XKR9: variants seen among roughly 807,000 people sequenced by gnomAD.
XKR9 encodes the protein XK related 9.
A neutral mutation model predicts 32.0 loss-of-function variants in XKR9; 32 were observed. The observed-to-expected ratio is 1.00, with a 90% CI of 0.76 to 1.34. The LOEUF is 1.34. Among genes scored for constraint, XKR9 ranks in the 40% most tolerant of loss-of-function variants. The probability of loss-of-function intolerance (pLI) is 0.00; values close to 1 mark genes in which losing one functional copy is unlikely to be tolerated. For synonymous variants in XKR9, 168 were observed against 143.4 expected, an observed-to-expected ratio of 1.17 and a Z score of -1.22; for missense variants, 546 against 429.7, an observed-to-expected ratio of 1.27 and a Z score of -2.39.
In XKR9 at chr8:70,734,708, A is replaced by T; in HGVS notation, c.*284A>T. ...TTTCATAATGAGAAGGCTGGAATTG[A>T]GCTTCCCTCCCATTTTCCTTGTTCC... On this transcript the variant is annotated 3_prime_UTR_variant, in exon 5 of 5. Transcript: ENST00000408926. 8.9e-6 allele frequency: 2 copies of T among 223,662 alleles called. No homozygotes were observed. Among genetic ancestry groups the T allele is most frequent in the South Asian group, 1.8e-4 (2 of 11,234 alleles). The allele number at this position is 223,662 out of a possible 1,614,324, so 13.9% of individuals were successfully genotyped here.
At chr8:70,684,560 A>G (rs985687606) in intron 3 of XKR9, among the ~76,000 whole-genome samples, 8 of 125,684 alleles carry the variant, frequency 6.4e-5, no homozygotes, top group Non-Finnish European at 9.7e-5. Context: ...ATTAAATATA[A>G]TTATATTTAA....
At chr8:71,051,280 T>C in the XKR9 span, among the ~76,000 whole-genome samples, 1 of 152,214 alleles carries the variant, frequency 6.6e-6, no homozygotes, top group Non-Finnish European at 1.5e-5. Flanking sequence ...AGAAGCTTGA[T>C]ATGTTTTTGT....
intron 4 of XKR9, among the ~76,000 whole-genome samples, chr8:70,723,840 A>G (rs191673781): frequency 6.6e-6 from 1 of 151,214 alleles, no homozygotes. Context: ...GAGCTTAAAC[A>G]ATGTGCTGGG....
At chr8:70,684,543 A>G (rs1363107634) in intron 3 of XKR9, among the ~76,000 whole-genome samples, 1 of 147,918 alleles carries the variant, frequency 6.8e-6, no homozygotes, top group East Asian at 1.9e-4. Flanking sequence ...AATTAAAATT[A>G]AGATCAATTA....
intron 2 of XKR9, among the ~76,000 whole-genome samples, chr8:70,744,633 T>C (rs1416774987): frequency 1.3e-5 from 2 of 152,188 alleles, no homozygotes; most frequent in Non-Finnish European, 2.9e-5. Context: ...TGTGATAGAG[T>C]CTTGCTCTGT....
At chr8:70,923,845 G>A in the XKR9 span, among the ~76,000 whole-genome samples, 7 of 152,068 alleles carry the variant, frequency 4.6e-5, no homozygotes, top group Non-Finnish European at 7.4e-5. Context: ...TATTATTTAT[G>A]CCTATTTTTG....
At chr8:70,941,166 T>G in the XKR9 span, among the ~76,000 whole-genome samples, 3 of 151,982 alleles carry the variant, frequency 2.0e-5, no homozygotes, top group African/African-American at 7.2e-5. Flanking sequence ...GCTTTCTGTC[T>G]TTTGGGATTT....
the XKR9 span, among the ~76,000 whole-genome samples, chr8:70,919,445 T>C: frequency 6.6e-6 from 1 of 152,088 alleles, no homozygotes; most frequent in Non-Finnish European, 1.5e-5. Context: ...CAATGAATGG[T>C]TTGATTAGGG....
the XKR9 span, among the ~76,000 whole-genome samples, chr8:70,818,691 G>A: frequency 3.3e-5 from 5 of 152,246 alleles, no homozygotes; most frequent in South Asian, 1.0e-3. Context: ...TGATGGTTTG[G>A]GAATTTTGTT....
At chr8:70,809,350 C>A in the XKR9 span, among the ~76,000 whole-genome samples, 3 of 152,150 alleles carry the variant, frequency 2.0e-5, no homozygotes, top group African/African-American at 7.2e-5. Flanking sequence ...GGGAAAAAAA[C>A]AGAGAAGAAA....
the XKR9 span, among the ~76,000 whole-genome samples, chr8:71,039,702 T>G: frequency 2.6e-4 from 39 of 152,312 alleles, no homozygotes; most frequent in Non-Finnish European, 4.6e-4. Flanking sequence ...GGAAATGTTG[T>G]TCAACTGTTT....
the XKR9 span, among the ~76,000 whole-genome samples, chr8:70,823,833 A>C: frequency 6.6e-6 from 1 of 152,222 alleles, no homozygotes; most frequent in Admixed American, 6.5e-5. Context: ...TCAAGTGGAC[A>C]GGGGTCTATA....
chr8:70,675,082 G>A (rs1818839115), intron 2 of XKR9, among the ~76,000 whole-genome samples, 183 bp downstream of exon 2: 1 of 152,178 alleles, frequency 6.6e-6, no homozygotes, highest in African/African-American at 2.4e-5. Flanking sequence ...AACCGTTTGT[G>A]TTAAGCCATT....
the XKR9 span, among the ~76,000 whole-genome samples, chr8:70,871,995 C>T: frequency 6.6e-6 from 1 of 152,116 alleles, no homozygotes; most frequent in African/African-American, 2.4e-5. Context: ...CCAAATTTTG[C>T]AATATGCACA....
chr8:70,850,738 C>G, the XKR9 span, among the ~76,000 whole-genome samples: 1 of 152,124 alleles, frequency 6.6e-6, no homozygotes, highest in African/African-American at 2.4e-5. Context: ...TATACCCCTA[C>G]TAGCTAAAAA....
the XKR9 span, among the ~76,000 whole-genome samples, chr8:70,821,248 C>T: frequency 6.6e-6 from 1 of 152,218 alleles, no homozygotes; most frequent in African/African-American, 2.4e-5. Context: ...CCTTTGACTC[C>T]ATATCTCACA....
At chr8:70,996,295 T>C in the XKR9 span, among the ~76,000 whole-genome samples, 1 of 152,322 alleles carries the variant, frequency 6.6e-6, no homozygotes, top group African/African-American at 2.4e-5. Context: ...ATAAAAATTA[T>C]GTAACAGCTA....
At chr8:70,718,822 T>G (rs572976800) in intron 4 of XKR9, among the ~76,000 whole-genome samples, 41 of 152,280 alleles carry the variant, frequency 2.7e-4, no homozygotes, top group Admixed American at 2.5e-3. Flanking sequence ...TATAATCGTT[T>G]GGGTATATAC....
chr8:70,698,539 G>C (rs1420856590), intron 3 of XKR9, among the ~76,000 whole-genome samples: 4 of 151,968 alleles, frequency 2.6e-5, no homozygotes, highest in African/African-American at 9.7e-5. Context: ...ATTGCACTGT[G>C]GTCTGAGAGA....
Sources: gnomAD v4.1 joint callset for allele counts (sites outside exome capture counted in the v4.1 genomes callset) on GRCh38, gnomAD v4.1.1 for gene constraint, MANE v1.5 for transcripts, NCBI Gene and HGNC (gene_info 2026-07-23, HGNC 2026-07-21) for gene names.